BTBD2: variants seen among roughly 807,000 people sequenced by gnomAD.
BTBD2 encodes BTB/POZ domain-containing protein 2.
In BTBD2, 15 loss-of-function variants were observed where a neutral mutation model predicts 44.0. The ratio of observed to expected loss-of-function variants is 0.34; its 90% CI spans 0.23 to 0.53. BTBD2 has a LOEUF of 0.53. BTBD2 is among the 20% of genes least tolerant of loss of function. The probability of loss-of-function intolerance (pLI) is 0.95; values close to 1 mark genes in which losing one functional copy is unlikely to be tolerated. For synonymous variants in BTBD2, 443 were observed against 335.9 expected (o/e 1.32, Z -3.49); for missense variants, 657 against 746.4 (o/e 0.88, Z 1.39).
At chr19:1,987,137 G>A (rs1236891605) in intron 7 of BTBD2, 29 bp downstream of exon 7, 1 of 1,609,362 alleles carries the variant, frequency 6.2e-7, no homozygotes, top group African/African-American at 1.3e-5. Context: ...GCCTGAGTGG[G>A]GCCTGGGGAT....
chr19:1,990,776 T>A lies in BTBD2; in HGVS notation c.731A>T (p.Asn244Ile). ...GGCGTCTGCAGTGTTTTTGTCGATG[T>A]TCTCCAGGCACAGGCTGGCCAGCTG... ...EPQLASLCLE[N>I]IDKNTADAIT... Residue 244 changes from asparagine (N) to isoleucine (I), a missense_variant, in exon 4 of 9, where the codon AAC becomes ATC. Asn to Ile is a moderately radical substitution (Grantham distance 149). This residue lies in a region of BTBD2 where 449 missense variants were observed against 510.9 expected (regional missense o/e 0.88). Coordinates refer to ENST00000255608, the MANE Select transcript of BTBD2 (RefSeq NM_017797.4). The A allele has an allele frequency of 6.2e-7, 1 of 1,600,492 alleles. No individual in the cohort carries two copies. Among genetic ancestry groups the A allele is most frequent in the Non-Finnish European group, 8.5e-7 (1 of 1,174,160 alleles).
Position 1,987,771 on chromosome 19 carries a change from CCCT to C in BTBD2, c.989-82_989-80del, listed in dbSNP as rs2016113388. The C allele has an allele frequency of 2.2e-6, 3 of 1,370,902 alleles. No homozygotes were observed. The Admixed American group carries it at 7.2e-5, about 33-fold the overall frequency. The allele number at this position is 1,370,902 out of a possible 1,614,324, so 84.9% of individuals were successfully genotyped here. On this transcript the variant is annotated intron_variant, in intron 5 of 8. Coordinates refer to ENST00000255608, the MANE Select transcript of BTBD2 (RefSeq NM_017797.4). The stretch of plus-strand genomic sequence containing the variant: ...GTGCCTGGGAGGACACGCTCCTTCC[CCCT>C]AAGATGTCTGCGTCGGACTTTCAAG...
rs117541030 is a variant in BTBD2, at chr19:2,000,017, G to A, written c.408-2554C>T. Among the ~76,000 whole-genome samples the A allele has an allele frequency of 2.7e-4, 41 of 151,906 alleles. 2 individuals are homozygous for A. The South Asian group carries it at 6.5e-3, about 24-fold the overall frequency. The stretch of plus-strand genomic sequence containing the variant: ...GAAAAAAGAAACAGAGTGGGCGGCC[G>A]CATGAAGCAGGGACTGGAGCGATGC... On this transcript the variant is annotated intron_variant, in intron 1 of 8. Coordinates refer to ENST00000255608, the MANE Select transcript of BTBD2 (RefSeq NM_017797.4).
At chr19:2,008,872 GAA>G (rs1249724163) in intron 1 of BTBD2, among the ~76,000 whole-genome samples, 8 of 151,952 alleles carry the variant, frequency 5.3e-5, no homozygotes, top group Non-Finnish European at 8.8e-5. Flanking sequence ...CACTCAGCCT[GAA>G]AAGTCTTCAC....
At chr19:2,013,852 C>CCCCTGTGCGCCA in intron 1 of BTBD2, 1 of 145,944 alleles carries the variant, frequency 6.9e-6, no homozygotes. Flanking sequence ...TCTTGGCGCA[C>CCCCTGTGCGCCA]AGGGGTGCGG....
intron 3 of BTBD2, among the ~76,000 whole-genome samples, chr19:1,991,472 G>C (rs1239229366): frequency 2.0e-5 from 3 of 152,204 alleles, no homozygotes; most frequent in African/African-American, 7.2e-5. Context: ...GGGCAGGGAG[G>C]CTGAGGCAGC....
chr19:2,003,336 T>A (rs2016353108), intron 1 of BTBD2: 1 of 151,824 alleles, frequency 6.6e-6, no homozygotes, highest in Non-Finnish European at 1.5e-5. Flanking sequence ...TAGCCAGGCA[T>A]GGTGGCGTGC....
Position 2,001,946 on chromosome 19 carries a change from G to C in BTBD2, c.408-4483C>G, listed in dbSNP as rs544365575. The stretch of plus-strand genomic sequence containing the variant: ...AGTAGAGATGGGGTTTCACCATGTT[G>C]GCCAGGGTGGCCTCGAACTCCTGAC... On this transcript the variant is annotated intron_variant, in intron 1 of 8. Coordinates refer to ENST00000255608, the MANE Select transcript of BTBD2 (RefSeq NM_017797.4). Among the ~76,000 whole-genome samples, 798 of 152,170 alleles carry C rather than the reference G, an allele frequency of 5.2e-3. 7 individuals are homozygous for C. The highest frequency in any genetic ancestry group is 0.018 in the African/African-American group (759 of 41,518).
At chr19:2,007,655 C>G (rs1302831091) in intron 1 of BTBD2, among the ~76,000 whole-genome samples, 2 of 151,930 alleles carry the variant, frequency 1.3e-5, no homozygotes, top group Non-Finnish European at 2.9e-5. Flanking sequence ...ATGGCGAAAC[C>G]CCGTCTCTAA....
chr19:2,010,615 C>A (rs2016452237), intron 1 of BTBD2, among the ~76,000 whole-genome samples: 1 of 151,956 alleles, frequency 6.6e-6, no homozygotes, highest in South Asian at 2.1e-4. Context: ...TATCCCAGCA[C>A]CCCCAGTTCG....
At chr19:1,998,864 G>A (rs981589934) in intron 1 of BTBD2, among the ~76,000 whole-genome samples, 18 of 152,102 alleles carry the variant, frequency 1.2e-4, no homozygotes, top group Admixed American at 9.2e-4. Flanking sequence ...GCCTGCGCGC[G>A]GCGGAGCACC....
intron 3 of BTBD2, chr19:1,991,159 A>C: frequency 4.3e-6 from 1 of 230,342 alleles, no homozygotes; most frequent in Non-Finnish European, 8.7e-6. Context: ...AGGGCCCAGG[A>C]CCCCGAGTGG....
chr19:1,985,480 C>A lies in BTBD2; in HGVS notation c.*1008G>T, dbSNP rs2016064112. 1 of 152,454 alleles carries A rather than the reference C, an allele frequency of 6.6e-6. No individual in the cohort carries two copies. The highest frequency in any genetic ancestry group is 2.4e-5 in the African/African-American group (1 of 41,444). 9.4% of individuals were successfully genotyped at this position (152,454 alleles called of 1,614,324 possible). On this transcript the variant is annotated 3_prime_UTR_variant, in exon 9 of 9. Transcript: ENST00000255608. ...CATTTGTTTCTTTATTTAAAAAAAT[C>A]ATCTGGGGGCATGGTCTGAGGAGGA...
chr19:1,996,439 A>G (rs1318962489), intron 2 of BTBD2, among the ~76,000 whole-genome samples: 1 of 136,040 alleles, frequency 7.4e-6, no homozygotes, highest in Non-Finnish European at 1.6e-5. Flanking sequence ...ATGTGTTTCC[A>G]TTTATTGTGT....
chr19:1,987,798 A>C, intron 5 of BTBD2, 106 bp from the exon 6 acceptor site: 5 of 1,198,566 alleles, frequency 4.2e-6, no homozygotes, highest in Non-Finnish European at 5.7e-6. Context: ...CGGACTTTCA[A>C]GGTGCAGGGA....
At chr19:1,997,217 G>A (rs2016262556) in intron 2 of BTBD2, 127 bp downstream of exon 2, 1 of 1,406,482 alleles carries the variant, frequency 7.1e-7, no homozygotes, top group Non-Finnish European at 9.6e-7. Context: ...ACCCCTCATT[G>A]CACAGGAACG....
At chr19:2,009,175 C>T (rs1292776772) in intron 1 of BTBD2, among the ~76,000 whole-genome samples, 2 of 146,238 alleles carry the variant, frequency 1.4e-5, no homozygotes, top group African/African-American at 2.6e-5. Context: ...CTCGCCACCA[C>T]GCCCGGCTAA....
At chr19:2,013,655 C>T (rs545331877) in intron 1 of BTBD2, 1,420 of 978,696 alleles carry the variant, frequency 1.5e-3, no homozygotes, top group African/African-American at 3.2e-3. Context: ...GGTGGGGGTC[C>T]GGGGCTGGAG....
At chr19:1,987,850 C>T (rs1290967007) in intron 5 of BTBD2, 158 bp from the exon 6 acceptor site, 3 of 687,124 alleles carry the variant, frequency 4.4e-6, no homozygotes, top group Non-Finnish European at 7.2e-6. Context: ...CCAGCCATGG[C>T]CCCTGCTGCC....
Sources: gnomAD v4.1 joint callset for allele counts (sites outside exome capture counted in the v4.1 genomes callset) on GRCh38, gnomAD v4.1.1 for gene constraint, gnomAD v4.1.1 regional missense constraint, MANE v1.5 for transcripts, NCBI Gene and HGNC (gene_info 2026-07-23, HGNC 2026-07-21) for gene names.